RMND5B: variants seen among roughly 807,000 people sequenced by gnomAD.
RMND5B encodes E3 ubiquitin-protein transferase RMND5B.
Under a neutral mutation model 50.4 loss-of-function variants are expected in RMND5B, and 42 were observed. The observed-to-expected ratio is 0.83, with a 90% CI of 0.65 to 1.08. RMND5B has a LOEUF of 1.08. RMND5B is among the 50% of genes least tolerant of loss of function. The probability of loss-of-function intolerance (pLI) is 0.00; values close to 1 mark genes in which losing one functional copy is unlikely to be tolerated. For synonymous variants in RMND5B, 220 were observed against 210.0 expected, an observed-to-expected ratio of 1.05 and a Z score of -0.41; for missense variants, 463 against 508.5, an observed-to-expected ratio of 0.91 and a Z score of 0.86.
intron 8 of RMND5B, chr5:178,147,038 C>G (rs1358597493): frequency 5.6e-6 from 1 of 177,204 alleles, no homozygotes; most frequent in Non-Finnish European, 1.2e-5. Flanking sequence ...CTACCCTGTG[C>G]ACTGTGGGGT....
In RMND5B at chr5:178,137,217, G is replaced by A. The variant is rs1002777562; in HGVS notation, c.-12-891G>A. Among the ~76,000 whole-genome samples, 6 of 152,136 alleles carry A rather than the reference G, an allele frequency of 3.9e-5. No individual in the cohort carries two copies. The highest frequency in any genetic ancestry group is 1.2e-4 in the African/African-American group (5 of 41,420). ...CTGTGCCTGTCCTCGGGTGTGCGGC[G>A]GGTGAGGGTGAGGCAGGAGTGCTGG... is the stretch of plus-strand genomic sequence containing the variant. On this transcript the variant is annotated intron_variant, in intron 2 of 10. Coordinates refer to ENST00000313386, the MANE Select transcript of RMND5B (RefSeq NM_022762.5). This position sits in a 1 kb window ranked among gnomAD's most constrained non-coding sequence, Gnocchi z 4.4.
rs191430264 is a variant in RMND5B, at chr5:178,147,467, C to T, written c.861-66C>T. On this transcript the variant is annotated intron_variant, in intron 8 of 10. Coordinates refer to ENST00000313386, the MANE Select transcript of RMND5B (RefSeq NM_022762.5). ...TCTCAAGGTCCATGCTGAAGCATGG[C>T]GCGCTGGCCCTTTTTGCCTGTCTGC... is the stretch of plus-strand genomic sequence containing the variant. 8.2e-5 allele frequency: 104 copies of T among 1,268,610 alleles called. No homozygotes were observed. In the African/African-American group the frequency reaches 9.5e-4, roughly 12 times the overall value. 78.6% of individuals were successfully genotyped at this position (1,268,610 alleles called of 1,614,324 possible). A position where few individuals can be genotyped will look rare whatever the true frequency, so the allele number is the denominator to read the frequency against.
chr5:178,135,403 G>T (rs1037502358), intron 2 of RMND5B: 1 of 159,140 alleles, frequency 6.3e-6, no homozygotes, highest in African/African-American at 2.4e-5. Context: ...GATTACAGGT[G>T]TGAGCCACTG....
Position 178,143,010 on chromosome 5 carries a change from G to A in RMND5B, c.426+18G>A, listed in dbSNP as rs370261613. 3.1e-5 allele frequency: 49 copies of A among 1,602,082 alleles called. No individual in the cohort carries two copies. The highest frequency in any genetic ancestry group is 6.7e-5 in the South Asian group (6 of 89,522). On this transcript the variant is annotated intron_variant, in intron 5 of 10. Transcript: ENST00000313386. ...TGTGCCAGGTACAGTCGGGCTGGGC[G>A]GGCGCAACAACCTGCCTGCTCTGCC...
At chr5:178,146,785 C>T (rs79507429) in intron 8 of RMND5B, 19,144 of 157,428 alleles carry the variant, frequency 0.12, 1,440 homozygotes, top group Non-Finnish European at 0.15. Flanking sequence ...AAGATGTGCA[C>T]GCACTTGCCC....
chr5:178,149,892 AG>A lies in RMND5B; in HGVS notation c.*1862del. The A allele has an allele frequency of 6.3e-7, 1 of 1,599,666 alleles. No homozygotes were observed. Among genetic ancestry groups the A allele is most frequent in the South Asian group, 1.1e-5 (1 of 89,466 alleles). ...AAAAAAGCTGTACAACCTGTATGCC[AG>A]GAAGTCACCAACTGATGACCCACCA... On this transcript the variant is annotated 3_prime_UTR_variant, in exon 11 of 11. Transcript: ENST00000313386.
rs1309921767 is a variant in RMND5B, at chr5:178,148,251, G to A, written c.*219G>A. On this transcript the variant is annotated 3_prime_UTR_variant, in exon 11 of 11. Coordinates refer to ENST00000313386, the MANE Select transcript of RMND5B (RefSeq NM_022762.5). ...TGGCTCCATGGCATAAGGAAAGGGA[G>A]ATGCTGGCCTCTGTGCTCCTGCTGT... 6 of 597,914 alleles carry A rather than the reference G, an allele frequency of 1.0e-5. No individual in the cohort carries two copies. Among genetic ancestry groups the A allele is most frequent in the Middle Eastern group, 4.4e-4 (1 of 2,264 alleles). 37.0% of individuals were successfully genotyped at this position (597,914 alleles called of 1,614,324 possible). A position where few individuals can be genotyped will look rare whatever the true frequency, so the allele number is the denominator to read the frequency against.
Position 178,147,932 on chromosome 5 carries a change from C to T in RMND5B, c.1119-37C>T, listed in dbSNP as rs1288206559. 10 of 1,613,974 alleles carry T rather than the reference C, an allele frequency of 6.2e-6. No individual in the cohort carries two copies. In the East Asian group the frequency reaches 8.9e-5, roughly 14 times the overall value. On this transcript the variant is annotated intron_variant, in intron 10 of 10. Coordinates refer to ENST00000313386, the MANE Select transcript of RMND5B (RefSeq NM_022762.5). ...ACCTTGGCTTGGCTCTCCTACTGGC[C>T]ACCCCTGAGACGTTCTCGGTTCTCC... is the stretch of plus-strand genomic sequence containing the variant.
intron 2 of RMND5B, among the ~76,000 whole-genome samples, chr5:178,134,919 A>G (rs1389146259): frequency 6.6e-6 from 1 of 150,456 alleles, no homozygotes; most frequent in Admixed American, 6.6e-5. Flanking sequence ...GGAGGTTGCC[A>G]GTGAGCCAAG....
rs1394996413 is a variant in RMND5B, at chr5:178,149,019, T to C, written c.*987T>C. 1.3e-5 allele frequency: 2 copies of C among 152,282 alleles called. No homozygotes were observed. The highest frequency in any genetic ancestry group is 2.9e-5 in the Non-Finnish European group (2 of 68,130). 9.4% of individuals were successfully genotyped at this position (152,282 alleles called of 1,614,324 possible). On this transcript the variant is annotated 3_prime_UTR_variant, in exon 11 of 11. Transcript: ENST00000313386. Reference sequence around the variant, plus strand: ...CCCAAGTCTAAAATACTTGAAGGGATTGGGTTACTAGGGCCATTATGTTAA... The same window carrying C: ...CCCAAGTCTAAAATACTTGAAGGGACTGGGTTACTAGGGCCATTATGTTAA...
At chr5:178,131,141 G>A (rs1758268354) in intron 1 of RMND5B, 87 bp downstream of exon 1, 1 of 152,230 alleles carries the variant, frequency 6.6e-6, no homozygotes, top group African/African-American at 2.4e-5. Context: ...GGCGGGGAAA[G>A]CTCGGCCGGC....
intron 7 of RMND5B, 108 bp from the exon 8 acceptor site, chr5:178,146,006 A>T: frequency 8.6e-7 from 1 of 1,165,528 alleles, no homozygotes; most frequent in South Asian, 1.6e-5. Context: ...GGGGCTTGGG[A>T]GCCACCGGGC....
chr5:178,142,357 A>C (rs556117255), intron 3 of RMND5B: 2 of 524,802 alleles, frequency 3.8e-6, no homozygotes, highest in Non-Finnish European at 6.7e-6. Context: ...TTCACAGATG[A>C]GGAAATGAAG....
intron 2 of RMND5B, chr5:178,135,281 C>T: frequency 4.4e-6 from 1 of 228,612 alleles, no homozygotes; most frequent in Non-Finnish European, 9.6e-6. Flanking sequence ...TTCTGAGGAG[C>T]TGGGACCACA....
chr5:178,143,671 A>G lies in RMND5B; in HGVS notation c.471A>G (p.Leu157=), dbSNP rs754746399. The G allele has an allele frequency of 6.2e-7, 1 of 1,614,154 alleles. No individual in the cohort carries two copies. Among genetic ancestry groups the G allele is most frequent in the Non-Finnish European group, 8.5e-7 (1 of 1,179,986 alleles). The part of the protein sequence containing the change: ...NVDLDFKQPF[L]ELNRILEALH... ...ACTTGGATTTCAAGCAGCCTTTCCT[A>G]GAGTTGAATCGAATCCTGGAAGCCC... Residue 157 remains leucine (L), a synonymous_variant, in exon 6 of 11, where the codon CTA becomes CTG. Coordinates refer to ENST00000313386, the MANE Select transcript of RMND5B (RefSeq NM_022762.5).
chr5:178,133,279 T>C (rs956898876), intron 2 of RMND5B, among the ~76,000 whole-genome samples: 1 of 152,222 alleles, frequency 6.6e-6, no homozygotes, highest in African/African-American at 2.4e-5. Context: ...TAAACCTCCA[T>C]ACATGCCTTT....
intron 5 of RMND5B, among the ~76,000 whole-genome samples, chr5:178,143,399 TG>T (rs140459789): frequency 0.021 from 3,133 of 152,272 alleles, 38 homozygotes; most frequent in Middle Eastern, 0.061. Flanking sequence ...GCTACGGTTG[TG>T]GGGTGGGGTC....
At chr5:178,147,482 T>G in intron 8 of RMND5B, 51 bp from the exon 9 acceptor site, 1 of 1,501,624 alleles carries the variant, frequency 6.7e-7, no homozygotes, top group Non-Finnish European at 9.2e-7. Flanking sequence ...TGGCCCTTTT[T>G]GCCTGTCTGC....
At chr5:178,146,612 C>T in intron 8 of RMND5B, 1 of 259,712 alleles carries the variant, frequency 3.9e-6, no homozygotes, top group South Asian at 6.8e-5. Context: ...AGCCCGCCTT[C>T]CTCATGACCT....
Sources: gnomAD v4.1 joint callset for allele counts (sites outside exome capture counted in the v4.1 genomes callset) on GRCh38, gnomAD v4.1.1 for gene constraint, Gnocchi (gnomAD v3.1) non-coding constraint, MANE v1.5 for transcripts, NCBI Gene and HGNC (gene_info 2026-07-23, HGNC 2026-07-21) for gene names.